Variants in FOXP2 observed in about 807,000 individuals in gnomAD.
FOXP2 encodes forkhead box protein P2.
FOXP2 carries 12 observed loss-of-function variants against 115.8 expected under a neutral mutation model. The ratio of observed to expected loss-of-function variants is 0.10; its 90% CI spans 0.07 to 0.17. FOXP2 has a LOEUF of 0.17. Among genes scored for constraint, FOXP2 ranks in the 10% least tolerant of loss-of-function variants. The pLI, the probability that FOXP2 is intolerant of heterozygous loss-of-function variation, is 1.00. For synonymous variants in FOXP2, 328 were observed against 297.7 expected (o/e 1.10, Z -1.05); for missense variants, 629 against 843.5 (o/e 0.75, Z 3.15).
intron 11 of FOXP2, among the ~76,000 whole-genome samples, chr7:114,659,144 A>T (rs1379641278): frequency 1.3e-5 from 2 of 152,204 alleles, no homozygotes; most frequent in African/African-American, 4.8e-5. Context: ...CAGTTCCTGA[A>T]GTACCACGAA....
Position 114,664,471 on chromosome 7 carries a change from A to C in FOXP2, c.2003+35A>C, listed in dbSNP as rs769054729. ...GTTAACAGACTCTCTAAAGGGAAGA[A>C]TCTATATTAATATGCTTCTTAAATT... On this transcript the variant is annotated intron_variant, in intron 16 of 16. Coordinates refer to ENST00000350908, the MANE Select transcript of FOXP2 (RefSeq NM_014491.4). The C allele has an allele frequency of 1.9e-6, 3 of 1,611,340 alleles. No individual in the cohort carries two copies. The South Asian group carries it at 3.3e-5, about 18-fold the overall frequency.
At chr7:114,239,748 GA>G (rs1795104494) in intron 1 of FOXP2, among the ~76,000 whole-genome samples, 1 of 152,030 alleles carries the variant, frequency 6.6e-6, no homozygotes, top group South Asian at 2.1e-4. Context: ...ACATTTAAAA[GA>G]AATGAGAAAA....
At chr7:114,413,136 G>A (rs1268203997), upstream of FOXP2, among the ~76,000 whole-genome samples, 1 of 151,986 alleles carries the variant, frequency 6.6e-6, no homozygotes, top group Non-Finnish European at 1.5e-5. Flanking sequence ...GTGTGAAAAT[G>A]TTATTTGACT....
chr7:114,393,115 G>C (rs753971941), intron 2 of FOXP2, among the ~76,000 whole-genome samples: 1 of 152,118 alleles, frequency 6.6e-6, no homozygotes, highest in Non-Finnish European at 1.5e-5. Context: ...AAAGTACATA[G>C]AATATCAGGG....
chr7:114,670,806 G>A (rs1405354687), intron 16 of FOXP2, among the ~76,000 whole-genome samples: 1 of 152,032 alleles, frequency 6.6e-6, no homozygotes, highest in Non-Finnish European at 1.5e-5. Flanking sequence ...AAAAGCATTT[G>A]AAATTGGAGT....
intron 1 of FOXP2, among the ~76,000 whole-genome samples, chr7:114,247,097 T>G (rs891216457): frequency 6.6e-6 from 1 of 152,224 alleles, no homozygotes; most frequent in Non-Finnish European, 1.5e-5. Flanking sequence ...TTTTACAAAA[T>G]AATCTCATGA....
At chr7:114,439,371 C>T (rs1210865754) in intron 2 of FOXP2, among the ~76,000 whole-genome samples, 1 of 152,054 alleles carries the variant, frequency 6.6e-6, no homozygotes, top group Non-Finnish European at 1.5e-5. Flanking sequence ...GCAGCTAAAG[C>T]TTTATATATT....
intron 1 of FOXP2, among the ~76,000 whole-genome samples, chr7:114,145,580 C>T (rs904062949): frequency 1.5e-4 from 23 of 150,590 alleles, no homozygotes; most frequent in African/African-American, 4.6e-4. Flanking sequence ...CTCCACCTCC[C>T]GGGTTCAACT....
At chr7:114,520,127 T>C (rs1798542933) in intron 2 of FOXP2, among the ~76,000 whole-genome samples, 4 of 152,258 alleles carry the variant, frequency 2.6e-5, no homozygotes, top group African/African-American at 9.6e-5. Context: ...ATCAATCCTA[T>C]GGGTAATTTG....
In FOXP2 at chr7:114,221,528, A is replaced by G. The variant is rs147650278; in HGVS notation, c.-102+58440A>G. ...ACAACTGGTAAGTAGCACTTTTTCC[A>G]TGTGTATCTTCCTATTTTCTGTTTA... On this transcript the variant is annotated intron_variant, in intron 1 of 17. Transcript: ENST00000634411. Among the ~76,000 whole-genome samples, 694 of 152,170 alleles carry G rather than the reference A, an allele frequency of 4.6e-3. 7 individuals are homozygous for G. Among genetic ancestry groups the G allele is most frequent in the African/African-American group, 0.016 (658 of 41,534 alleles).
chr7:114,118,454 C>A (rs75262032), intron 1 of FOXP2, among the ~76,000 whole-genome samples: 1 of 148,008 alleles, frequency 6.8e-6, no homozygotes. Context: ...TTTTTGGATA[C>A]CCCCCTTTTT....
At chr7:114,655,849 G>A (rs1806557962) in intron 10 of FOXP2, among the ~76,000 whole-genome samples, 1 of 152,010 alleles carries the variant, frequency 6.6e-6, no homozygotes, top group Admixed American at 6.6e-5. Context: ...CTCTCTGAAT[G>A]GTACTTCATT....
chr7:114,412,041 A>G (rs1224632351), upstream of FOXP2, among the ~76,000 whole-genome samples: 1 of 152,140 alleles, frequency 6.6e-6, no homozygotes, highest in Non-Finnish European at 1.5e-5. Context: ...TACCAGTGTT[A>G]TAGTTCAGTG....
chr7:114,498,691 A>G (rs1202936404), intron 2 of FOXP2, among the ~76,000 whole-genome samples: 2 of 152,236 alleles, frequency 1.3e-5, no homozygotes, highest in Non-Finnish European at 2.9e-5. Context: ...TTATACCAAA[A>G]GAAAGATTTT....
chr7:114,661,905 AAGTTTG>A (rs1369236983), intron 13 of FOXP2, 154 bp from the exon 14 acceptor site: 1 of 828,316 alleles, frequency 1.2e-6, no homozygotes, highest in Non-Finnish European at 1.9e-6. Flanking sequence ...AGTAATTTGT[AAGTTTG>A]AGGTTTGTAA....
chr7:114,571,426 A>G (rs909686614), intron 3 of FOXP2, among the ~76,000 whole-genome samples: 1 of 151,890 alleles, frequency 6.6e-6, no homozygotes, highest in Non-Finnish European at 1.5e-5. Context: ...TCAAGTCTCC[A>G]TTCAAGAATT....
chr7:114,151,022 T>C (rs1056364710), intron 1 of FOXP2, among the ~76,000 whole-genome samples: 8 of 151,954 alleles, frequency 5.3e-5, no homozygotes, highest in African/African-American at 1.9e-4. Context: ...TTTGAAGGGG[T>C]CATAATGTCT....
Position 114,693,008 on chromosome 7 carries a change from C to T in FOXP2, c.*3082C>T, listed in dbSNP as rs1047691920. 2.2e-6 allele frequency: 1 copy of T among 453,768 alleles called. No homozygotes were observed. Among genetic ancestry groups the T allele is most frequent in the Non-Finnish European group, 4.4e-6 (1 of 226,658 alleles). 28.1% of individuals were successfully genotyped at this position (453,768 alleles called of 1,614,324 possible). A position where few individuals can be genotyped will look rare whatever the true frequency, so the allele number is the denominator to read the frequency against. The stretch of plus-strand genomic sequence containing the variant: ...ACCAAACCTAGGATTTGAAAGAAAA[C>T]TGTCTACCTCTAACACCAGGGAGTT... On this transcript the variant is annotated 3_prime_UTR_variant, in exon 17 of 17. Transcript: ENST00000350908.
chr7:114,120,664 A>ATATG (rs1465663478), intron 1 of FOXP2, among the ~76,000 whole-genome samples: 1 of 146,108 alleles, frequency 6.8e-6, no homozygotes. Flanking sequence ...AGCACTTCAT[A>ATATG]TATGTATGTG....
Sources: gnomAD v4.1 joint callset for allele counts (sites outside exome capture counted in the v4.1 genomes callset) on GRCh38, gnomAD v4.1.1 for gene constraint, MANE v1.5 for transcripts, NCBI Gene and HGNC (gene_info 2026-07-23, HGNC 2026-07-21) for gene names.